Variants in EREG observed in about 807,000 individuals in gnomAD.
EREG encodes the protein epiregulin, also known as proepiregulin.
Under a neutral mutation model 22.4 loss-of-function variants are expected in EREG, and 23 were observed. The ratio of observed to expected loss-of-function variants is 1.03; its 90% CI spans 0.74 to 1.46. EREG has a LOEUF of 1.46. Ranked by LOEUF, EREG falls within the 40% of genes most tolerant of loss-of-function variation. The probability of loss-of-function intolerance (pLI) is 0.00; values close to 1 mark genes in which losing one functional copy is unlikely to be tolerated. For synonymous variants in EREG, 100 were observed against 75.4 expected (o/e 1.33, Z -1.69); for missense variants, 226 against 205.9 (o/e 1.10, Z -0.60).
chr4:74,371,403 G>A (rs1372598229), intron 1 of EREG, among the ~76,000 whole-genome samples: 1 of 152,040 alleles, frequency 6.6e-6, no homozygotes, highest in Non-Finnish European at 1.5e-5. Context: ...ATTTACGATG[G>A]AATCATGAAT....
rs150199372 is a variant in EREG, at chr4:74,368,914, A to T, written c.67+3539A>T. 3.2e-4 allele frequency among the ~76,000 whole-genome samples: 49 copies of T among 152,308 alleles called. No homozygotes were observed. The East Asian group carries it at 9.1e-3, about 28-fold the overall frequency. ...GACATGGCAATTCTGGAACCTTTGA[A>T]AAAATGAAGTAATGCCACATACTCA... On this transcript the variant is annotated intron_variant, in intron 1 of 4. Coordinates refer to ENST00000244869, the MANE Select transcript of EREG (RefSeq NM_001432.3).
chr4:74,384,063 A>G (rs991601341), intron 4 of EREG, among the ~76,000 whole-genome samples: 2 of 152,174 alleles, frequency 1.3e-5, no homozygotes, highest in African/African-American at 2.4e-5. Flanking sequence ...ACTCAAAAAT[A>G]TTAGGAAAAT....
Position 74,383,904 on chromosome 4 carries a change from G to A in EREG, c.429-823G>A, listed in dbSNP as rs115430728. Among the ~76,000 whole-genome samples, 990 of 152,250 alleles carry A rather than the reference G, an allele frequency of 6.5e-3. 10 individuals carry two copies. The highest frequency in any genetic ancestry group is 0.022 in the African/African-American group (898 of 41,540). On this transcript the variant is annotated intron_variant, in intron 4 of 4. Transcript: ENST00000244869. ...TATAGATGGGGCACTGAGGTTTAGA[G>A]AGGTTCATTCAAATATCCCAGCTCA...
At chr4:74,369,039 T>C (rs956189483) in intron 1 of EREG, among the ~76,000 whole-genome samples, 6 of 152,238 alleles carry the variant, frequency 3.9e-5, no homozygotes. Flanking sequence ...TTTAACTTAC[T>C]AGGATACTAT....
intron 1 of EREG, among the ~76,000 whole-genome samples, chr4:74,376,954 G>A (rs756198405): frequency 4.6e-5 from 7 of 151,896 alleles, no homozygotes; most frequent in Non-Finnish European, 8.8e-5. Flanking sequence ...ATATACAATC[G>A]GCTTAACAGA....
intron 3 of EREG, 152 bp from the exon 4 acceptor site, chr4:74,382,493 C>A: frequency 1.7e-6 from 1 of 587,386 alleles, no homozygotes; most frequent in South Asian, 2.5e-5. Context: ...CATTACTGGT[C>A]TAACTCAATC....
chr4:74,382,403 T>G (rs1039138145), intron 3 of EREG: 2 of 387,808 alleles, frequency 5.2e-6, no homozygotes, highest in African/African-American at 4.1e-5. Context: ...CACTGTGGAC[T>G]GTCAGCCACC....
rs1301011439 is a variant in EREG at position 74,386,784 on chromosome 4, C to G, written c.*1976C>G. 6.7e-6 allele frequency: 1 copy of G among 149,920 alleles called. No individual in the cohort carries two copies. Among genetic ancestry groups the G allele is most frequent in the Non-Finnish European group, 1.5e-5 (1 of 67,952 alleles). 9.3% of individuals were successfully genotyped at this position (149,920 alleles called of 1,614,324 possible). ...AACAACAAAAAATACATTATAACAA[C>G]TATTTACTTTTTTTTTTTTCTTTTT... On this transcript the variant is annotated 3_prime_UTR_variant, in exon 5 of 5. Transcript: ENST00000244869.
rs1178550284 is a variant in EREG at position 74,379,444 on chromosome 4, A to G, written c.68-4A>G. 3.8e-6 allele frequency: 6 copies of G among 1,581,462 alleles called. No individual in the cohort carries two copies. Among genetic ancestry groups the G allele is most frequent in the Middle Eastern group, 1.7e-4 (1 of 6,036 alleles). On this transcript the variant is annotated splice_polypyrimidine_tract_variant and splice_region_variant and intron_variant, in intron 1 of 4. Transcript: ENST00000244869. ...TTATATATTCGATTTTTCTTCATAA[A>G]TAGGTTTCCATCTTCTACAGGCAGT...
At position 74,380,949 on chromosome 4, in the gene EREG, T is replaced by C. The variant is rs145761841; in HGVS notation, c.155-65T>C. 2.4e-4 allele frequency: 375 copies of C among 1,551,690 alleles called. 3 individuals are homozygous for C. The African/African-American group carries it at 4.2e-3, about 17-fold the overall frequency. ...AGAAGTAGTTCAGTGGTTACTGTTA[T>C]GAAAGAGTGAGAAATTCTTCCATGA... On this transcript the variant is annotated intron_variant, in intron 2 of 4. Transcript: ENST00000244869.
chr4:74,365,318 GGGA>G lies in EREG; in HGVS notation c.17_19del (p.Arg6del). 6.2e-7 allele frequency: 1 copy of G among 1,606,018 alleles called. No individual in the cohort carries two copies. ...CCCGCTCCCATCGCCGATGACCGCG[GGGA>G]GGAGGATGGAGATGCTCTGTGCCGG... On this transcript the variant is annotated inframe_deletion, in exon 1 of 5. Transcript: ENST00000244869.
At chr4:74,366,797 C>A (rs1752194142) in intron 1 of EREG, among the ~76,000 whole-genome samples, 1 of 152,140 alleles carries the variant, frequency 6.6e-6, no homozygotes, top group South Asian at 2.1e-4. Flanking sequence ...TTACCTCCTT[C>A]ATTGCATTAC....
Position 74,384,970 on chromosome 4 carries a change from C to T in EREG, c.*162C>T. 2 of 507,178 alleles carry T rather than the reference C, an allele frequency of 3.9e-6. No homozygotes were observed. The highest frequency in any genetic ancestry group is 7.2e-6 in the Non-Finnish European group (2 of 279,138). 31.4% of individuals were successfully genotyped at this position (507,178 alleles called of 1,614,324 possible). A position where few individuals can be genotyped will look rare whatever the true frequency, so the allele number is the denominator to read the frequency against. ...TTATTTTTGTTTTATTTTTGACAGA[C>T]TATTTGCTAATGTATAATGTGCAGA... On this transcript the variant is annotated 3_prime_UTR_variant, in exon 5 of 5. Coordinates refer to ENST00000244869, the MANE Select transcript of EREG (RefSeq NM_001432.3).
intron 1 of EREG, among the ~76,000 whole-genome samples, chr4:74,372,679 T>C (rs1307312227): frequency 3.9e-5 from 6 of 152,128 alleles, no homozygotes; most frequent in East Asian, 1.9e-4. Context: ...AAAAAATATG[T>C]TTCCAACAGA....
chr4:74,375,846 T>G (rs752777620), intron 1 of EREG, among the ~76,000 whole-genome samples: 1 of 152,192 alleles, frequency 6.6e-6, no homozygotes, highest in Admixed American at 6.5e-5. Flanking sequence ...CTTGGCCACA[T>G]CCATCCATGA....
intron 4 of EREG, among the ~76,000 whole-genome samples, chr4:74,384,363 G>T (rs1436325114): frequency 1.3e-5 from 2 of 151,926 alleles, no homozygotes; most frequent in African/African-American, 2.4e-5. Flanking sequence ...AGCATGATTT[G>T]TAAATATTCA....
chr4:74,386,512 C>T lies in EREG; in HGVS notation c.*1704C>T, dbSNP rs924996883. Reference sequence around the variant, plus strand: ...ATACAAACATGTATGTATACATGACCTTAATGGATCATAGAATTGCAGTCA... The same window carrying T: ...ATACAAACATGTATGTATACATGACTTTAATGGATCATAGAATTGCAGTCA... On this transcript the variant is annotated 3_prime_UTR_variant, in exon 5 of 5. Transcript: ENST00000244869. 6.6e-6 allele frequency: 1 copy of T among 152,150 alleles called. No homozygotes were observed. The highest frequency in any genetic ancestry group is 1.5e-5 in the Non-Finnish European group (1 of 68,032). The allele number at this position is 152,150 out of a possible 1,614,324, so 9.4% of individuals were successfully genotyped here. A position where few individuals can be genotyped will look rare whatever the true frequency, so the allele number is the denominator to read the frequency against.
At chr4:74,368,081 A>G (rs1248464392) in intron 1 of EREG, among the ~76,000 whole-genome samples, 1 of 152,220 alleles carries the variant, frequency 6.6e-6, no homozygotes, top group Non-Finnish European at 1.5e-5. Context: ...ATGAGGAAAG[A>G]GCCAATGAGA....
At chr4:74,382,530 C>A in intron 3 of EREG, 115 bp from the exon 4 acceptor site, 1 of 754,296 alleles carries the variant, frequency 1.3e-6, no homozygotes, top group Non-Finnish European at 2.1e-6. Flanking sequence ...CAATCTTTAG[C>A]AAATTTTGTT....
Sources: allele counts gnomAD v4.1 joint callset (sites outside exome capture counted in the v4.1 genomes callset), GRCh38; gene constraint gnomAD v4.1.1; transcripts MANE v1.5; gene names NCBI Gene and HGNC (gene_info 2026-07-23, HGNC 2026-07-21).